Variants in ZP3 observed in about 807,000 individuals in gnomAD.
ZP3 encodes zona pellucida sperm-binding protein 3.
Under a neutral mutation model 35.6 loss-of-function variants are expected in ZP3, and 21 were observed. The observed-to-expected ratio is 0.59, with a 90% CI of 0.42 to 0.85. The LOEUF is 0.85. Ranked by LOEUF, ZP3 falls within the 40% of genes least tolerant of loss-of-function variation. The pLI, the probability that ZP3 is intolerant of heterozygous loss-of-function variation, is 0.00. For missense variants in ZP3, 437 were observed against 536.5 expected (o/e 0.81, Z 1.83); for synonymous variants, 207 against 214.5 (o/e 0.96, Z 0.31).
intron 1 of ZP3, among the ~76,000 whole-genome samples, chr7:76,406,987 G>A (rs1584035825): frequency 6.6e-6 from 1 of 151,974 alleles, no homozygotes; most frequent in Non-Finnish European, 1.5e-5. Context: ...TGGAGACAGA[G>A]CCTCCCTCTG....
At chr7:76,406,526 C>T (rs944308706) in intron 1 of ZP3, among the ~76,000 whole-genome samples, 1 of 151,842 alleles carries the variant, frequency 6.6e-6, no homozygotes, top group Non-Finnish European at 1.5e-5. Context: ...CTCTGTCACC[C>T]AGGCGGCAGT....
intron 1 of ZP3, among the ~76,000 whole-genome samples, chr7:76,410,186 C>T (rs1805204228): frequency 6.6e-6 from 1 of 151,968 alleles, no homozygotes. Flanking sequence ...CATGCACCAC[C>T]ATGCCAGGCT....
In ZP3 at chr7:76,433,494, C is replaced by G; in HGVS notation, c.560C>G (p.Ser187Cys). The G allele has an allele frequency of 6.2e-7, 1 of 1,613,698 alleles. No individual in the cohort carries two copies. Among genetic ancestry groups the G allele is most frequent in the Non-Finnish European group, 8.5e-7 (1 of 1,179,860 alleles). The stretch of plus-strand genomic sequence containing the variant: ...GAGAACTGGAACGCTGAGAAGAGGT[C>G]CCCCACCTTCCACCTGGGAGATGCA... ...MEENWNAEKR[S>C]PTFHLGDAAH... Residue 187 changes from serine to cysteine, a missense_variant, in exon 4 of 8, where the codon TCC becomes TGC. Physicochemically the swap from Ser to Cys is moderately radical, Grantham distance 112. This residue lies in a region of ZP3 where 352 missense variants were observed against 308.4 expected (regional missense o/e 1.14). Transcript: ENST00000394857.
At chr7:76,402,234 C>T (rs1365312215) in intron 1 of ZP3, among the ~76,000 whole-genome samples, 1 of 148,034 alleles carries the variant, frequency 6.8e-6, no homozygotes, top group Non-Finnish European at 1.5e-5. Flanking sequence ...GGCTGGAGCA[C>T]AGTGGCATGA....
Position 76,433,047 on chromosome 7 carries a change from G to GGGCCGGGCGC in ZP3, c.535+19_535+20insCCGGGCGCGG. The GGGCCGGGCGC allele has an allele frequency of 6.2e-7, 1 of 1,601,250 alleles. No individual in the cohort carries two copies. On this transcript the variant is annotated intron_variant, in intron 3 of 7. Transcript: ENST00000394857. The stretch of plus-strand genomic sequence containing the variant: ...TGATGGAGGGTAAGAGAAGAAGGCT[G>GGGCCGGGCGC]GGTGGGACATCTGTGGAAAGACCTG...
intron 4 of ZP3, 115 bp downstream of exon 4, chr7:76,433,762 G>C: frequency 8.1e-7 from 1 of 1,227,242 alleles, no homozygotes; most frequent in South Asian, 1.5e-5. Flanking sequence ...ACAGAGGCTT[G>C]ATCTCTGCCC....
chr7:76,423,045 A>G (rs867792391), upstream of ZP3, among the ~76,000 whole-genome samples: 2,528 of 122,664 alleles, frequency 0.021, 73 homozygotes, highest in Middle Eastern at 0.031. Context: ...GAAAGAAAGA[A>G]AGAAAGAAAG....
intron 5 of ZP3, among the ~76,000 whole-genome samples, chr7:76,435,450 CA>C (rs1295335163): frequency 6.6e-6 from 1 of 152,266 alleles, no homozygotes; most frequent in Non-Finnish European, 1.5e-5. Context: ...CCACCATGCC[CA>C]GCCTCAAGTA....
At chr7:76,425,358 G>C (rs541813569) in intron 1 of ZP3, 82 bp downstream of exon 1, 1 of 1,450,022 alleles carries the variant, frequency 6.9e-7, no homozygotes, top group East Asian at 2.3e-5. Context: ...CCATCGGTGG[G>C]AGGTGGGGTT....
At position 76,407,149 on chromosome 7, in the gene ZP3, C is replaced by T. The variant is rs528096301; in HGVS notation, c.-67+9352C>T. On this transcript the variant is annotated intron_variant, in intron 1 of 8. Transcript: ENST00000336517. Reference sequence around the variant, plus strand: ...CTAATTTTTGTATGTTCAGTAGAGACGGGGTTTCCCCATGTTGACCTGGCT... The same window carrying T: ...CTAATTTTTGTATGTTCAGTAGAGATGGGGTTTCCCCATGTTGACCTGGCT... 5.9e-5 allele frequency among the ~76,000 whole-genome samples: 9 copies of T among 152,060 alleles called. No homozygotes were observed. The South Asian group carries it at 8.3e-4, about 14-fold the overall frequency.
At chr7:76,419,378 T>G (rs1361093134) in intron 1 of ZP3, among the ~76,000 whole-genome samples, 1 of 152,150 alleles carries the variant, frequency 6.6e-6, no homozygotes, top group East Asian at 1.9e-4. Context: ...TGAAATCCAG[T>G]TTTTCCCCAG....
At chr7:76,404,410 A>G in intron 1 of ZP3, 1 of 1,614,088 alleles carries the variant, frequency 6.2e-7, no homozygotes, top group South Asian at 1.1e-5. Flanking sequence ...CCAGCTGGGG[A>G]CCAATTAGCA....
chr7:76,438,575 T>C (rs1806100443), intron 5 of ZP3, among the ~76,000 whole-genome samples: 1 of 147,110 alleles, frequency 6.8e-6, no homozygotes, highest in Non-Finnish European at 1.5e-5. Flanking sequence ...GGGGCAGTGC[T>C]TACAGGGTAG....
At position 76,418,550 on chromosome 7, in the gene ZP3, C is replaced by CAAA. The variant is rs1203476650; in HGVS notation, c.-66-6480_-66-6478dup. On this transcript the variant is annotated intron_variant, in intron 1 of 8. Coordinates refer to the ZP3 transcript ENST00000336517. ...TGGGCCACGGAGCGAGATTTCATCT[C>CAAA]AAAAAAAAAAAAAAAAAAAAAAAAG... 3.3e-3 allele frequency among the ~76,000 whole-genome samples: 98 copies of CAAA among 29,974 alleles called. 2 individuals are homozygous for CAAA. Among genetic ancestry groups the CAAA allele is most frequent in the African/African-American group, 4.4e-3 (30 of 6,752 alleles). 19.7% of individuals were successfully genotyped at this position (29,974 alleles called of 152,430 possible).
chr7:76,412,959 C>CTTA, intron 1 of ZP3, among the ~76,000 whole-genome samples: 1 of 90,364 alleles, frequency 1.1e-5, no homozygotes, highest in Non-Finnish European at 2.2e-5. Flanking sequence ...TCTTCTTCTT[C>CTTA]TTCTTCTTTT....
chr7:76,440,146 C>T (rs139521092), intron 5 of ZP3, 104 bp from the exon 6 acceptor site: 3 of 1,477,836 alleles, frequency 2.0e-6, no homozygotes, highest in Non-Finnish European at 2.7e-6. Context: ...TGCACCCGGC[C>T]CCTTCTCACT....
chr7:76,398,731 G>C lies in ZP3; in HGVS notation c.-67+934G>C. 3 of 1,613,136 alleles carry C rather than the reference G, an allele frequency of 1.9e-6. No individual in the cohort carries two copies. Among genetic ancestry groups the C allele is most frequent in the Non-Finnish European group, 2.5e-6 (3 of 1,179,370 alleles). On this transcript the variant is annotated intron_variant, in intron 1 of 8. Coordinates refer to the ZP3 transcript ENST00000336517. ...TTATGCTTACGTACTTTTTCCATTCGGCAGTGTCGTAGGAGGTGCTCTACT... is the reference window on the plus strand; with the variant it reads ...TTATGCTTACGTACTTTTTCCATTCCGCAGTGTCGTAGGAGGTGCTCTACT...
chr7:76,440,813 G>A (rs1014212121), intron 7 of ZP3, among the ~76,000 whole-genome samples: 1 of 150,768 alleles, frequency 6.6e-6, no homozygotes, highest in African/African-American at 2.4e-5. Flanking sequence ...CAGCCAGGGA[G>A]ATCTGCTGTC....
At chr7:76,398,622 A>C in intron 1 of ZP3, 2 of 1,358,036 alleles carry the variant, frequency 1.5e-6, no homozygotes, top group Non-Finnish European at 2.1e-6. Context: ...CTAACTTTAC[A>C]TCTTCAATTT....
Sources: gnomAD v4.1 joint callset for allele counts (sites outside exome capture counted in the v4.1 genomes callset) on GRCh38, gnomAD v4.1.1 for gene constraint, gnomAD v4.1.1 regional missense constraint, MANE v1.5 for transcripts, NCBI Gene and HGNC (gene_info 2026-07-23, HGNC 2026-07-21) for gene names.